The following HCRTR2 variants were observed in gnomAD, a reference collection of about 807,000 sequenced individuals.
The protein encoded by HCRTR2 is hypocretin receptor 2.
HCRTR2 carries 22 observed loss-of-function variants against 49.0 expected under a neutral mutation model. The observed-to-expected ratio is 0.45, with a 90% CI of 0.32 to 0.64. The LOEUF is 0.64. Among genes scored for constraint, HCRTR2 ranks in the 30% least tolerant of loss-of-function variants. The pLI is 0.04. For synonymous variants in HCRTR2, 236 were observed against 205.3 expected, an observed-to-expected ratio of 1.15 and a Z score of -1.28; for missense variants, 491 against 559.4, an observed-to-expected ratio of 0.88 and a Z score of 1.23.
Position 55,282,307 on chromosome 6 carries a change from G to A in HCRTR2, c.1188G>A (p.Arg396=), listed in dbSNP as rs200713119. Residue 396 remains arginine, a synonymous_variant, in exon 7 of 7, where the codon AGG becomes AGA. Transcript: ENST00000370862. The part of the protein sequence containing the change: ...VHHRQEDRLT[R]GRTSTESRKS... ...ATCGCCAGGAGGATCGGCTCACCAG[G>A]GGACGAACTAGCACAGAGAGCCGGA... 5.0e-6 allele frequency: 8 copies of A among 1,613,796 alleles called. No individual in the cohort carries two copies. Among genetic ancestry groups the A allele is most frequent in the Non-Finnish European group, 5.1e-6 (6 of 1,179,916 alleles).
intron 1 of HCRTR2, among the ~76,000 whole-genome samples, chr6:55,236,449 A>C (rs989758433): frequency 6.6e-6 from 1 of 152,080 alleles, no homozygotes; most frequent in Non-Finnish European, 1.5e-5. Context: ...TTTCACACTT[A>C]ATAAGTATGC....
At chr6:55,188,835 A>C (rs919299201) in intron 1 of HCRTR2, among the ~76,000 whole-genome samples, 3 of 152,206 alleles carry the variant, frequency 2.0e-5, no homozygotes, top group Admixed American at 2.0e-4. Flanking sequence ...TGGGTTTGAC[A>C]TGGGGAAAGA....
chr6:55,197,929 C>A (rs1765447224), intron 1 of HCRTR2, among the ~76,000 whole-genome samples: 1 of 152,022 alleles, frequency 6.6e-6, no homozygotes, highest in South Asian at 2.1e-4. Context: ...CCGACCCTTT[C>A]TCTTAACCTA....
intron 1 of HCRTR2, among the ~76,000 whole-genome samples, chr6:55,160,371 A>C (rs1032838288): frequency 5.9e-5 from 9 of 152,226 alleles, no homozygotes; most frequent in African/African-American, 2.2e-4. Flanking sequence ...AGTATCAGCC[A>C]CTGCAAAAAC....
chr6:55,247,824 T>A (rs1766475222), intron 1 of HCRTR2, among the ~76,000 whole-genome samples: 1 of 152,052 alleles, frequency 6.6e-6, no homozygotes, highest in South Asian at 2.1e-4. Flanking sequence ...TGCTGGGTGA[T>A]GTTTAGAGGC....
At chr6:55,265,979 TA>T (rs565875775) in intron 4 of HCRTR2, among the ~76,000 whole-genome samples, 23 of 152,164 alleles carry the variant, frequency 1.5e-4, no homozygotes, top group Non-Finnish European at 2.9e-4. Context: ...TGCTTATTAC[TA>T]GAGACAGAAA....
intron 4 of HCRTR2, among the ~76,000 whole-genome samples, chr6:55,271,689 A>T (rs1215074631): frequency 6.6e-6 from 1 of 152,120 alleles, no homozygotes; most frequent in African/African-American, 2.4e-5. Context: ...TTAATAATTT[A>T]AAAAAATTAC....
chr6:55,212,601 T>C (rs1431901393), intron 1 of HCRTR2, among the ~76,000 whole-genome samples: 1 of 152,170 alleles, frequency 6.6e-6, no homozygotes, highest in African/African-American at 2.4e-5. Context: ...TGTGAGAGCA[T>C]ATGATACCCA....
chr6:55,201,144 G>T (rs577661973), intron 1 of HCRTR2, among the ~76,000 whole-genome samples: 1 of 151,936 alleles, frequency 6.6e-6, no homozygotes, highest in Admixed American at 6.5e-5. Flanking sequence ...CCCTGCCTTG[G>T]TCATTTAAAC....
At chr6:55,270,845 G>A (rs973892066) in intron 4 of HCRTR2, among the ~76,000 whole-genome samples, 2 of 151,658 alleles carry the variant, frequency 1.3e-5, no homozygotes, top group South Asian at 2.1e-4. Context: ...ATATTCAATC[G>A]GTACACAACA....
chr6:55,154,562 T>C (rs1446942259), intron 1 of HCRTR2, among the ~76,000 whole-genome samples: 1 of 151,746 alleles, frequency 6.6e-6, no homozygotes, highest in Non-Finnish European at 1.5e-5. Flanking sequence ...TATAACAAAC[T>C]TTGACGTTGT....
intron 1 of HCRTR2, among the ~76,000 whole-genome samples, chr6:55,181,814 T>G (rs1022519823): frequency 1.3e-5 from 2 of 152,226 alleles, no homozygotes; most frequent in African/African-American, 4.8e-5. Flanking sequence ...TATCCTGTCT[T>G]TGATATGTGA....
chr6:55,228,042 G>A (rs533234890), intron 1 of HCRTR2, among the ~76,000 whole-genome samples: 185 of 152,176 alleles, frequency 1.2e-3, no homozygotes, highest in Non-Finnish European at 2.0e-3. Flanking sequence ...AGACAGTGAG[G>A]GAGGAGTCAA....
At chr6:55,114,231 C>T (rs1356934966) in intron 1 of HCRTR2, among the ~76,000 whole-genome samples, 1 of 151,608 alleles carries the variant, frequency 6.6e-6, no homozygotes, top group Admixed American at 6.6e-5. Flanking sequence ...AAAACTTATT[C>T]ATGTAACCAA....
chr6:55,186,620 A>T (rs1765220701), intron 1 of HCRTR2, among the ~76,000 whole-genome samples: 1 of 152,232 alleles, frequency 6.6e-6, no homozygotes. Flanking sequence ...TTTCTGCAAT[A>T]ACTGAGAAGA....
At chr6:55,238,762 C>A (rs1043107278) in intron 1 of HCRTR2, among the ~76,000 whole-genome samples, 9 of 151,896 alleles carry the variant, frequency 5.9e-5, no homozygotes, top group African/African-American at 2.2e-4. Flanking sequence ...TTGTGAGAGT[C>A]AATAAGAACA....
intron 4 of HCRTR2, among the ~76,000 whole-genome samples, chr6:55,276,878 G>A (rs77272321): frequency 1.3e-5 from 2 of 152,110 alleles, no homozygotes; most frequent in Non-Finnish European, 2.9e-5. Context: ...TGCTTTGTCC[G>A]AACTCGAGAA....
upstream of HCRTR2, among the ~76,000 whole-genome samples, chr6:55,173,693 C>T (rs982915829): frequency 5.3e-5 from 8 of 152,156 alleles, no homozygotes; most frequent in African/African-American, 1.9e-4. Context: ...ACAACATTAA[C>T]TATGATCATA....
intron 4 of HCRTR2, among the ~76,000 whole-genome samples, chr6:55,264,845 C>A (rs565815059): frequency 1.3e-5 from 2 of 152,228 alleles, no homozygotes; most frequent in South Asian, 4.1e-4. Flanking sequence ...TTCTCTGACA[C>A]ATTTTATCCA....
Sources: gnomAD v4.1 joint callset for allele counts (sites outside exome capture counted in the v4.1 genomes callset) on GRCh38, gnomAD v4.1.1 for gene constraint, MANE v1.5 for transcripts, NCBI Gene and HGNC (gene_info 2026-07-23, HGNC 2026-07-21) for gene names.